Variants in C12orf42 observed in about 807,000 individuals in gnomAD.
The protein encoded by C12orf42 is uncharacterized protein C12orf42.
C12orf42 carries 25 observed loss-of-function variants against 21.6 expected under a neutral mutation model. The ratio of observed to expected loss-of-function variants is 1.16; its 90% CI spans 0.84 to 1.62. The LOEUF (loss-of-function observed/expected upper bound fraction) is 1.62, where lower values mean the gene tolerates loss of function less well. C12orf42 is among the 40% of genes most tolerant of loss of function. C12orf42 has a pLI of 0.00. For synonymous variants in C12orf42, 174 were observed against 175.0 expected, an observed-to-expected ratio of 0.99 and a Z score of 0.05; for missense variants, 483 against 459.3, an observed-to-expected ratio of 1.05 and a Z score of -0.47.
intron 2 of C12orf42, among the ~76,000 whole-genome samples, chr12:103,417,351 C>T (rs918444610): frequency 6.6e-6 from 1 of 152,164 alleles, no homozygotes; most frequent in Non-Finnish European, 1.5e-5. Flanking sequence ...CTGGATTGAT[C>T]TTCCTAAAGA....
At chr12:103,335,855 A>G (rs1329605909) in intron 4 of C12orf42, among the ~76,000 whole-genome samples, 1 of 152,234 alleles carries the variant, frequency 6.6e-6, no homozygotes, top group Non-Finnish European at 1.5e-5. Context: ...TCTCACAAGC[A>G]AAATGCGAAT....
At chr12:103,178,957 C>A in the C12orf42 span, among the ~76,000 whole-genome samples, 16 of 152,164 alleles carry the variant, frequency 1.1e-4, no homozygotes, top group African/African-American at 3.9e-4. Context: ...AACTGGCTGA[C>A]TTTTCCAATG....
At chr12:103,125,150 T>A in the C12orf42 span, among the ~76,000 whole-genome samples, 1 of 152,200 alleles carries the variant, frequency 6.6e-6, no homozygotes, top group South Asian at 2.1e-4. Context: ...ATTCTGTTTT[T>A]TGGTCCTTTT....
the C12orf42 span, among the ~76,000 whole-genome samples, chr12:103,151,547 T>A: frequency 1.3e-5 from 2 of 152,132 alleles, no homozygotes; most frequent in Admixed American, 1.3e-4. Context: ...GTCAGCAATC[T>A]CACATGGTTC....
In C12orf42 at chr12:103,329,165, A is replaced by G. The variant is rs529667814; in HGVS notation, c.260-22820T>C. ...ATGGCAGGGACGCAGGCATGCATTC[A>G]GAGCTATGGCAGTATGAGGAGGTGG... is the stretch of plus-strand genomic sequence containing the variant. On this transcript the variant is annotated intron_variant, in intron 4 of 5. Transcript: ENST00000548883. 1.4e-3 allele frequency among the ~76,000 whole-genome samples: 217 copies of G among 152,352 alleles called. 2 individuals carry two copies. The highest frequency in any genetic ancestry group is 4.7e-3 in the African/African-American group (197 of 41,576).
chr12:103,454,059 C>A (rs868695424), intron 2 of C12orf42, among the ~76,000 whole-genome samples: 1 of 152,140 alleles, frequency 6.6e-6, no homozygotes, highest in South Asian at 2.1e-4. Context: ...CGTACAAGGT[C>A]CTGAGCTATA....
At chr12:103,060,514 C>A in the C12orf42 span, among the ~76,000 whole-genome samples, 1 of 152,088 alleles carries the variant, frequency 6.6e-6, no homozygotes, top group Non-Finnish European at 1.5e-5. Flanking sequence ...GCTCATGCAG[C>A]CAAGAGAATC....
the C12orf42 span, among the ~76,000 whole-genome samples, chr12:103,205,475 T>C: frequency 6.6e-6 from 1 of 152,122 alleles, no homozygotes. Flanking sequence ...AAAACAGCAC[T>C]GGAAAAACTT....
chr12:103,184,408 TC>T, the C12orf42 span, among the ~76,000 whole-genome samples: 1 of 152,324 alleles, frequency 6.6e-6, no homozygotes, highest in Non-Finnish European at 1.5e-5. Context: ...TCTTTTTCCA[TC>T]CTTTTAATTT....
chr12:103,207,693 A>T, the C12orf42 span, among the ~76,000 whole-genome samples: 2 of 152,196 alleles, frequency 1.3e-5, no homozygotes, highest in Non-Finnish European at 2.9e-5. Flanking sequence ...TCTTGCCCCG[A>T]CACCTGAAAA....
At chr12:103,435,668 G>T (rs2139428559) in intron 2 of C12orf42, among the ~76,000 whole-genome samples, 1 of 151,786 alleles carries the variant, frequency 6.6e-6, no homozygotes, top group Non-Finnish European at 1.5e-5. Flanking sequence ...AAGATGAAAT[G>T]AATGAAATGA....
chr12:103,322,100 CACGCGCGTGCGT>C (rs1332773735), intron 4 of C12orf42, among the ~76,000 whole-genome samples: 15 of 117,250 alleles, frequency 1.3e-4, no homozygotes, highest in Non-Finnish European at 1.8e-4. Flanking sequence ...CTCAGATGTG[CACGCGCGTGCGT>C]GCGCGCGCGC....
At chr12:103,507,328 A>G in the C12orf42 span, among the ~76,000 whole-genome samples, 5 of 118,606 alleles carry the variant, frequency 4.2e-5, no homozygotes, top group East Asian at 6.8e-4. Flanking sequence ...TAAATTTTCT[A>G]TGCTGTACCA....
At chr12:103,435,693 T>G (rs1950641985) in intron 2 of C12orf42, among the ~76,000 whole-genome samples, 3 of 150,092 alleles carry the variant, frequency 2.0e-5, no homozygotes, top group African/African-American at 7.3e-5. Flanking sequence ...AGAAGGGAAG[T>G]TTAGAGAAAA....
At chr12:103,491,785 T>A (rs548223040) in intron 1 of C12orf42, among the ~76,000 whole-genome samples, 1 of 152,334 alleles carries the variant, frequency 6.6e-6, no homozygotes, top group African/African-American at 2.4e-5. Context: ...TTAATCTTTA[T>A]CATGGAGCCC....
chr12:103,329,145 A>T (rs551562676), intron 4 of C12orf42, among the ~76,000 whole-genome samples: 20 of 151,936 alleles, frequency 1.3e-4, no homozygotes, highest in African/African-American at 4.8e-4. Flanking sequence ...GAGCTATGGC[A>T]GGGACGCAGG....
chr12:103,073,289 C>A, the C12orf42 span, among the ~76,000 whole-genome samples: 1 of 151,952 alleles, frequency 6.6e-6, no homozygotes, highest in African/African-American at 2.4e-5. Context: ...CACAAGTTTA[C>A]CTATGTAACA....
chr12:103,133,754 G>A, the C12orf42 span, among the ~76,000 whole-genome samples: 1 of 152,152 alleles, frequency 6.6e-6, no homozygotes, highest in Non-Finnish European at 1.5e-5. Context: ...CCCCACGTGT[G>A]GTGGAAGGGA....
intron 2 of C12orf42, among the ~76,000 whole-genome samples, chr12:103,427,030 C>T (rs1198685545): frequency 2.0e-5 from 3 of 152,156 alleles, no homozygotes. Flanking sequence ...ACCATCAACA[C>T]TCTGAAGAAA....
Sources: allele counts gnomAD v4.1 joint callset (sites outside exome capture counted in the v4.1 genomes callset), GRCh38; gene constraint gnomAD v4.1.1; transcripts MANE v1.5; gene names NCBI Gene and HGNC (gene_info 2026-07-23, HGNC 2026-07-21).